Variants in ATP8A2 observed in about 807,000 individuals in gnomAD.
The protein encoded by ATP8A2 is phospholipid-transporting ATPase IB.
A neutral mutation model predicts 165.6 loss-of-function variants in ATP8A2; 100 were observed. The observed-to-expected ratio is 0.60, with a 90% confidence interval of 0.51 to 0.71. The LOEUF (loss-of-function observed/expected upper bound fraction) is 0.71, where lower values mean the gene tolerates loss of function less well. Ranked by LOEUF, ATP8A2 falls within the 30% of genes least tolerant of loss-of-function variation. The pLI is 0.00. For synonymous variants in ATP8A2, 543 were observed against 548.8 expected, an observed-to-expected ratio of 0.99 and a Z score of 0.15; for missense variants, 1,227 against 1,479.5, an observed-to-expected ratio of 0.83 and a Z score of 2.80.
At chr13:25,567,933 G>T (rs183884730) in intron 16 of ATP8A2, among the ~76,000 whole-genome samples, 2 of 152,344 alleles carry the variant, frequency 1.3e-5, no homozygotes, top group African/African-American at 4.8e-5. Flanking sequence ...TGTGTCTGTG[G>T]AGAGGGAAGA....
chr13:25,859,830 C>T (rs1466228598), intron 30 of ATP8A2, among the ~76,000 whole-genome samples: 2 of 152,050 alleles, frequency 1.3e-5, no homozygotes, highest in Non-Finnish European at 2.9e-5. Flanking sequence ...TAAAGAATAC[C>T]TGGAAAAAGC....
At chr13:25,563,932 A>C (rs185237841) in intron 15 of ATP8A2, 24 bp from the exon 16 acceptor site, 77 of 1,571,748 alleles carry the variant, frequency 4.9e-5, no homozygotes, top group Non-Finnish European at 6.7e-5. Context: ...AAATTGAATA[A>C]ATTTTCTCTG....
chr13:25,973,605 G>C (rs1955961226), intron 35 of ATP8A2, among the ~76,000 whole-genome samples: 1 of 152,204 alleles, frequency 6.6e-6, no homozygotes, highest in Non-Finnish European at 1.5e-5. Flanking sequence ...ACTCCCGAAT[G>C]CATTCTGAGT....
intron 24 of ATP8A2, among the ~76,000 whole-genome samples, chr13:25,643,830 CT>C (rs749271660): frequency 6.6e-6 from 1 of 151,264 alleles, no homozygotes; most frequent in Non-Finnish European, 1.5e-5. Flanking sequence ...TATATTGACT[CT>C]TTAGCATGCC....
intron 35 of ATP8A2, among the ~76,000 whole-genome samples, chr13:25,978,609 G>A (rs117359676): frequency 1.6e-3 from 244 of 152,124 alleles, no homozygotes; most frequent in Non-Finnish European, 2.4e-3. Flanking sequence ...GAGAACTGCT[G>A]GATCCCTGGG....
intron 24 of ATP8A2, among the ~76,000 whole-genome samples, chr13:25,689,466 T>G (rs1379250523): frequency 6.6e-6 from 1 of 152,236 alleles, no homozygotes; most frequent in African/African-American, 2.4e-5. Flanking sequence ...TCTGGTAGTT[T>G]CATTTTTCAT....
chr13:25,666,011 A>G (rs1344337658), intron 24 of ATP8A2, among the ~76,000 whole-genome samples: 1 of 151,400 alleles, frequency 6.6e-6, no homozygotes, highest in Non-Finnish European at 1.5e-5. Context: ...CTACTGGCCA[A>G]TGGAAAGAAC....
chr13:25,531,208 A>G (rs528790415), intron 4 of ATP8A2, among the ~76,000 whole-genome samples: 96 of 141,976 alleles, frequency 6.8e-4, no homozygotes, highest in African/African-American at 2.5e-3. Context: ...TATATGATAT[A>G]TGTTATATAT....
intron 1 of ATP8A2, among the ~76,000 whole-genome samples, chr13:25,441,216 C>T (rs1186875448): frequency 6.6e-6 from 1 of 152,104 alleles, no homozygotes; most frequent in Non-Finnish European, 1.5e-5. Flanking sequence ...GAAATGGCTG[C>T]TAAAGTATAG....
chr13:25,777,388 T>A (rs1274702576), intron 27 of ATP8A2, among the ~76,000 whole-genome samples: 1 of 152,230 alleles, frequency 6.6e-6, no homozygotes, highest in African/African-American at 2.4e-5. Context: ...TTGCATGCAA[T>A]TTTAGTGTGT....
At chr13:25,583,180 C>T (rs1166293875) in intron 23 of ATP8A2, among the ~76,000 whole-genome samples, 2 of 152,158 alleles carry the variant, frequency 1.3e-5, no homozygotes, top group Non-Finnish European at 2.9e-5. Flanking sequence ...TGAAGAATAA[C>T]ACATTTGCTT....
chr13:25,894,362 C>A (rs1212089640), intron 33 of ATP8A2, among the ~76,000 whole-genome samples: 1 of 152,190 alleles, frequency 6.6e-6, no homozygotes, highest in Non-Finnish European at 1.5e-5. Context: ...AGCATTATTT[C>A]TGAGGGCTCT....
intron 6 of ATP8A2, among the ~76,000 whole-genome samples, chr13:25,535,659 A>G (rs987014956): frequency 1.3e-5 from 2 of 152,020 alleles, no homozygotes; most frequent in Non-Finnish European, 2.9e-5. Flanking sequence ...ACAAAAAAAT[A>G]CAGAAATCAG....
intron 24 of ATP8A2, among the ~76,000 whole-genome samples, chr13:25,660,754 T>C (rs2042033261): frequency 6.6e-6 from 1 of 152,212 alleles, no homozygotes; most frequent in Non-Finnish European, 1.5e-5. Flanking sequence ...GAGCAGGGGC[T>C]GTCACAACAA....
chr13:25,912,155 GACACACAC>G (rs3056187), intron 33 of ATP8A2, among the ~76,000 whole-genome samples: 5,686 of 141,180 alleles, frequency 0.04, 291 homozygotes, highest in Admixed American at 0.13. Context: ...GAAAATGTGA[GACACACAC>G]ACACACACAC....
At chr13:25,896,208 G>A (rs558520333) in intron 33 of ATP8A2, among the ~76,000 whole-genome samples, 1 of 152,302 alleles carries the variant, frequency 6.6e-6, no homozygotes, top group East Asian at 1.9e-4. Context: ...CTTTGAATGT[G>A]TCCCAGAGAT....
At chr13:25,756,992 G>A (rs933961889) in intron 25 of ATP8A2, among the ~76,000 whole-genome samples, 1 of 152,144 alleles carries the variant, frequency 6.6e-6, no homozygotes, top group East Asian at 1.9e-4. Context: ...CTCGCTCAGC[G>A]CATTCGTTCC....
At position 26,005,926 on chromosome 13, in the gene ATP8A2, GA is replaced by G. The variant is rs956801063; in HGVS notation, c.3378-6602del. Among the ~76,000 whole-genome samples, 134 of 152,038 alleles carry G rather than the reference GA, an allele frequency of 8.8e-4. 2 individuals are homozygous for G. The highest frequency in any genetic ancestry group is 3.1e-3 in the African/African-American group (130 of 41,524). On this transcript the variant is annotated intron_variant, in intron 35 of 36. Transcript: ENST00000381655. ...TTACTGTAGTTTAGTAATAAGTTTT[GA>G]AATAGGTATGTGTGAGTTCTATGAC...
intron 2 of ATP8A2, among the ~76,000 whole-genome samples, chr13:25,477,766 G>A (rs921726166): frequency 7.9e-5 from 12 of 152,084 alleles, no homozygotes; most frequent in African/African-American, 2.4e-4. Flanking sequence ...GTGAAACCCC[G>A]TCTCTACTAA....
Sources: gnomAD v4.1 joint callset for allele counts (sites outside exome capture counted in the v4.1 genomes callset) on GRCh38, gnomAD v4.1.1 for gene constraint, MANE v1.5 for transcripts, NCBI Gene and HGNC (gene_info 2026-07-23, HGNC 2026-07-21) for gene names.